The following PTPN23 variants were observed in gnomAD, a reference collection of about 807,000 sequenced individuals.
PTPN23 encodes tyrosine-protein phosphatase non-receptor type 23.
PTPN23 carries 72 observed loss-of-function variants against 156.3 expected under a neutral mutation model. That is an observed-to-expected ratio of 0.46 (90% CI 0.38 to 0.56). PTPN23 has a LOEUF of 0.56. Among genes scored for constraint, PTPN23 ranks in the 20% least tolerant of loss-of-function variants. The pLI is 0.00. For synonymous variants in PTPN23, 957 were observed against 899.6 expected (o/e 1.06, Z -1.14); for missense variants, 1,974 against 2,171.5 (o/e 0.91, Z 1.81).
In PTPN23 at chr3:47,410,051, C is replaced by T. The variant is rs1407917912; in HGVS notation, c.2253C>T (p.Asp751=). ...AGGAGCTGCGCAGCCTCCCCCCTGACATGGTGGCTGGCCCACGACTGCCTG... is the reference window on the plus strand; with the variant it reads ...AGGAGCTGCGCAGCCTCCCCCCTGATATGGTGGCTGGCCCACGACTGCCTG... ...PPEELRSLPP[D]MVAGPRLPDT... The change falls in exon 20 of 25, where the codon GAC becomes GAT. Residue 751 remains aspartate (D), a synonymous_variant. Coordinates refer to ENST00000265562, the MANE Select transcript of PTPN23 (RefSeq NM_015466.4). The T allele has an allele frequency of 2.5e-6, 4 of 1,611,774 alleles. No homozygotes were observed. The East Asian group carries it at 6.7e-5, about 27-fold the overall frequency.
At chr3:47,390,240 A>G (rs1310361311) in intron 1 of PTPN23, among the ~76,000 whole-genome samples, 2 of 152,186 alleles carry the variant, frequency 1.3e-5, no homozygotes, top group Non-Finnish European at 2.9e-5. Flanking sequence ...TTAAAAAAAC[A>G]AAAAACAAAA....
At chr3:47,396,096 G>A in intron 1 of PTPN23, 47 bp from the exon 2 acceptor site, 1 of 1,522,690 alleles carries the variant, frequency 6.6e-7, no homozygotes, top group Non-Finnish European at 9.1e-7. Flanking sequence ...CAGAGGGCAA[G>A]GCGGGGGTCT....
At chr3:47,404,551 G>A (rs1412617493) in intron 2 of PTPN23, 101 bp from the exon 3 acceptor site, 5 of 1,495,618 alleles carry the variant, frequency 3.3e-6, no homozygotes, top group East Asian at 4.6e-5. Context: ...GTGTGCAGTC[G>A]GCCAGCTGTG....
chr3:47,403,610 C>T (rs192714022), intron 2 of PTPN23, among the ~76,000 whole-genome samples: 1 of 152,276 alleles, frequency 6.6e-6, no homozygotes, highest in East Asian at 1.9e-4. Flanking sequence ...CTCACTGCAG[C>T]CTTAACCTCC....
chr3:47,406,675 AGTCGTGGC>A lies in PTPN23; in HGVS notation c.760-24_760-17del, dbSNP rs757949209. The A allele has an allele frequency of 6.2e-7, 1 of 1,613,880 alleles. No individual in the cohort carries two copies. Among genetic ancestry groups the A allele is most frequent in the African/African-American group, 1.3e-5 (1 of 74,926 alleles). ...CTGAGTGGCCACAGCTCAGGAAGCA[AGTCGTGGC>A]GTCTCTTCTTCTTTCCCAGCTGCAC... On this transcript the variant is annotated intron_variant, in intron 8 of 24. Transcript: ENST00000265562. This position sits in a 1 kb window ranked among gnomAD's most constrained non-coding sequence, Gnocchi z 5.8.
In PTPN23 at chr3:47,408,901, A is replaced by G; in HGVS notation, c.1456A>G (p.Thr486Ala). The part of the protein sequence containing the change: ...AVGQAGAISI[T>A]SKAELAEVRR... ...GGGCCAGGCAGGGGCCATCTCCATC[A>G]CCTCCAAGGCTGAGCTGGCAGAGGT... Residue 486 changes from threonine (T) to alanine (A), a missense_variant, in exon 16 of 25, where the codon ACC becomes GCC. By Grantham distance (58) the Thr-to-Ala change is moderately conservative. Transcript: ENST00000265562. 6.2e-7 allele frequency: 1 copy of G among 1,614,174 alleles called. No individual in the cohort carries two copies. Among genetic ancestry groups the G allele is most frequent in the Non-Finnish European group, 8.5e-7 (1 of 1,180,020 alleles).
chr3:47,403,523 A>C (rs1705049326), intron 2 of PTPN23, among the ~76,000 whole-genome samples: 1 of 151,988 alleles, frequency 6.6e-6, no homozygotes, highest in South Asian at 2.1e-4. Flanking sequence ...GTGGGTATCC[A>C]GTTTTACCTT....
chr3:47,410,787 C>T lies in PTPN23; in HGVS notation c.2989C>T (p.Pro997Ser). The change falls in exon 20 of 25, where the codon CCC (proline) becomes TCC (serine). Residue 997 changes from proline to serine, a missense_variant. Physicochemically the swap from Pro to Ser is moderately conservative, Grantham distance 74 (BLOSUM62 -1). Coordinates refer to ENST00000265562, the MANE Select transcript of PTPN23 (RefSeq NM_015466.4). ...QAPGLLPPQSPYPYAPQPGVL... is the reference protein window; with the variant it reads ...QAPGLLPPQSSYPYAPQPGVL... ...CCCAGGACTCCTACCCCCACAATCC[C>T]CCTACCCCTATGCCCCTCAGCCTGG... 1 of 1,578,690 alleles carries T rather than the reference C, an allele frequency of 6.3e-7. No individual in the cohort carries two copies. The highest frequency in any genetic ancestry group is 8.7e-7 in the Non-Finnish European group (1 of 1,155,384).
At position 47,412,154 on chromosome 3, in the gene PTPN23, C is replaced by T. The variant is rs182614742; in HGVS notation, c.4134C>T (p.Tyr1378=). ...LRFIQEVHAH[Y]LHQRPLHTPI... The stretch of plus-strand genomic sequence containing the variant: ...TCATCCAGGAGGTGCACGCACATTA[C>T]CTGCATCAGCGGCCGCTGCACACGC... Residue 1378 remains tyrosine (Y), a synonymous_variant, in exon 22 of 25, where the codon TAC becomes TAT. Transcript: ENST00000265562. 7 of 1,613,228 alleles carry T rather than the reference C, an allele frequency of 4.3e-6. No individual in the cohort carries two copies. In the East Asian group the frequency reaches 1.1e-4, roughly 26 times the overall value.
In PTPN23 at chr3:47,412,301, G is replaced by A. The variant is rs746108051; in HGVS notation, c.4197G>A (p.Thr1399=). The change falls in exon 23 of 25, where the codon ACG becomes ACA. Residue 1399 remains threonine (T), a synonymous_variant. Transcript: ENST00000265562. ...GGCACAGCTCTGGTGTGGGCCGCAC[G>A]GGAGCCTTTGCACTGCTCTATGCAG... ...IVHCSSGVGR[T]GAFALLYAAV... 2.7e-5 allele frequency: 43 copies of A among 1,613,148 alleles called. No homozygotes were observed. Among genetic ancestry groups the A allele is most frequent in the Admixed American group, 1.8e-4 (11 of 59,998 alleles).
chr3:47,387,188 G>C (rs932752415), intron 1 of PTPN23, among the ~76,000 whole-genome samples: 2 of 152,198 alleles, frequency 1.3e-5, no homozygotes, highest in Non-Finnish European at 2.9e-5. Context: ...GGACCAAGGA[G>C]CTGAAGATTT....
chr3:47,391,710 C>T (rs778803263), intron 1 of PTPN23, among the ~76,000 whole-genome samples: 49 of 152,216 alleles, frequency 3.2e-4, no homozygotes, highest in Non-Finnish European at 6.0e-4. Context: ...GTAGGAGTCT[C>T]CTGTCCATCT....
chr3:47,389,030 A>T (rs1415369510), intron 1 of PTPN23, among the ~76,000 whole-genome samples: 4 of 148,814 alleles, frequency 2.7e-5, no homozygotes, highest in African/African-American at 7.4e-5. Flanking sequence ...TTCCCACTCC[A>T]CTCCCCCACC....
chr3:47,405,846 C>T lies in PTPN23; in HGVS notation c.414+48C>T. 10 of 1,589,416 alleles carry T rather than the reference C, an allele frequency of 6.3e-6. No individual in the cohort carries two copies. Among genetic ancestry groups the T allele is most frequent in the Non-Finnish European group, 8.6e-6 (10 of 1,166,254 alleles). Reference sequence around the variant, plus strand: ...AACATGTGGACATACCAGGGAGGGGCAGCCTCCCAAGTATGGATGAATCCT... The same window carrying T: ...AACATGTGGACATACCAGGGAGGGGTAGCCTCCCAAGTATGGATGAATCCT... On this transcript the variant is annotated intron_variant, in intron 5 of 24. Coordinates refer to ENST00000265562, the MANE Select transcript of PTPN23 (RefSeq NM_015466.4). This position sits in a 1 kb window ranked among gnomAD's most constrained non-coding sequence, Gnocchi z 4.7.
rs1250406193 is a variant in PTPN23 at position 47,407,218 on chromosome 3, G to A, written c.864+32G>A. 6.2e-7 allele frequency: 1 copy of A among 1,613,968 alleles called. No individual in the cohort carries two copies. Among genetic ancestry groups the A allele is most frequent in the African/African-American group, 1.3e-5 (1 of 75,008 alleles). The stretch of plus-strand genomic sequence containing the variant: ...CTGAGGAAGGCCTGGCTGCCCTGAG[G>A]GTATAGGAGCAAGCCCGGTAGGACT... On this transcript the variant is annotated intron_variant, in intron 10 of 24. Transcript: ENST00000265562. The surrounding 1 kb of genome is among the most constrained non-coding windows in gnomAD (Gnocchi z 4.0).
At position 47,411,012 on chromosome 3, in the gene PTPN23, C is replaced by A; in HGVS notation, c.3214C>A (p.Pro1072Thr). ...PQAAPLTIRG[P>T]SSAGQSTPSP... ...GGCAGCCCCTCTTACCATTCGAGGG[C>A]CCTCGTCTGCTGGCCAGTCCACCCC... is the stretch of plus-strand genomic sequence containing the variant. Residue 1072 changes from proline to threonine, a missense_variant, in exon 20 of 25, where the codon CCC becomes ACC. Physicochemically the swap from Pro to Thr is conservative, Grantham distance 38. This residue lies in a region of PTPN23 where 731 missense variants were observed against 669.1 expected (regional missense o/e 1.09). Coordinates refer to ENST00000265562, the MANE Select transcript of PTPN23 (RefSeq NM_015466.4). The surrounding 1 kb of genome is among the most constrained non-coding windows in gnomAD (Gnocchi z 6.3). The A allele has an allele frequency of 6.3e-7, 1 of 1,596,470 alleles. No homozygotes were observed. The highest frequency in any genetic ancestry group is 8.5e-7 in the Non-Finnish European group (1 of 1,171,602).
At position 47,412,532 on chromosome 3, in the gene PTPN23, T is replaced by C. The variant is rs760161113; in HGVS notation, c.4336T>C (p.Tyr1446His). The C allele has an allele frequency of 2.5e-6, 4 of 1,613,506 alleles. No homozygotes were observed. In the South Asian group the frequency reaches 3.3e-5, roughly 13 times the overall value. Reference sequence around the variant, plus strand: ...TGTGCAGCTGCACCTCAGGTTCTGCTATGAGGCAGTGGTGAGACACGTGGA... The same window carrying C: ...TGTGCAGCTGCACCTCAGGTTCTGCCATGAGGCAGTGGTGAGACACGTGGA... ...LQEKLHLRFCYEAVVRHVEQV... is the reference protein window; with the variant it reads ...LQEKLHLRFCHEAVVRHVEQV... Residue 1446 changes from tyrosine (Y) to histidine (H), a missense_variant, in exon 24 of 25, where the codon TAT becomes CAT. Tyr to His is a moderately conservative substitution (Grantham distance 83). Around this residue, in one of 4 missense-constraint regions of PTPN23, gnomAD observed 484 missense variants for 516.0 expected, o/e 0.94. Transcript: ENST00000265562.
intron 2 of PTPN23, among the ~76,000 whole-genome samples, chr3:47,404,292 C>A (rs1705068300): frequency 6.6e-6 from 1 of 151,964 alleles, no homozygotes; most frequent in African/African-American, 2.4e-5. Context: ...ATTAGCCAGG[C>A]ATGGTGGCGT....
At chr3:47,403,055 CTTTTTT>C (rs1007913831) in intron 2 of PTPN23, among the ~76,000 whole-genome samples, 1 of 138,478 alleles carries the variant, frequency 7.2e-6, no homozygotes, top group Non-Finnish European at 1.6e-5. Context: ...TTGTTACATT[CTTTTTT>C]TTTTTTTTTG....
Sources: gnomAD v4.1 joint callset for allele counts (sites outside exome capture counted in the v4.1 genomes callset) on GRCh38, gnomAD v4.1.1 for gene constraint, gnomAD v4.1.1 regional missense constraint, Gnocchi (gnomAD v3.1) non-coding constraint, MANE v1.5 for transcripts, NCBI Gene and HGNC (gene_info 2026-07-23, HGNC 2026-07-21) for gene names.